Variants in DTNB observed in about 807,000 individuals in gnomAD.
DTNB encodes the protein DTN-B.
DTNB carries 63 observed loss-of-function variants against 90.7 expected under a neutral mutation model. That is an observed-to-expected ratio of 0.69 (90% confidence interval 0.57 to 0.86). The LOEUF (loss-of-function observed/expected upper bound fraction) is 0.86, where lower values mean the gene tolerates loss of function less well. Among genes scored for constraint, DTNB ranks in the 40% least tolerant of loss-of-function variants. The probability of loss-of-function intolerance (pLI) is 0.00; values close to 1 mark genes in which losing one functional copy is unlikely to be tolerated. For synonymous variants in DTNB, 277 were observed against 286.7 expected (o/e 0.97, Z 0.34); for missense variants, 744 against 807.1 (o/e 0.92, Z 0.95).
Position 25,566,945 on chromosome 2 carries a change from G to A in DTNB, c.876+9893C>T, listed in dbSNP as rs73922425. ...AAGTACAGACCATGATAAAATGCTG[G>A]TGTCACCCAAGACAAGAGGTCAGAC... On this transcript the variant is annotated intron_variant, in intron 8 of 20. Transcript: ENST00000406818. Among the ~76,000 whole-genome samples, 449 of 152,272 alleles carry A rather than the reference G, an allele frequency of 2.9e-3. 3 individuals carry two copies. The highest frequency in any genetic ancestry group is 0.01 in the African/African-American group (432 of 41,554).
intron 6 of DTNB, among the ~76,000 whole-genome samples, chr2:25,589,111 T>C (rs1233198906): frequency 6.6e-6 from 1 of 152,216 alleles, no homozygotes; most frequent in African/African-American, 2.4e-5. Flanking sequence ...GAGAATATTT[T>C]GTCAAATGCA....
chr2:25,656,102 A>G (rs191690800), intron 1 of DTNB, among the ~76,000 whole-genome samples: 1 of 152,312 alleles, frequency 6.6e-6, no homozygotes, highest in Admixed American at 6.5e-5. Flanking sequence ...TTCCAAGGAT[A>G]ACCTCCAAAA....
At chr2:25,497,943 C>A (rs980009444) in intron 9 of DTNB, among the ~76,000 whole-genome samples, 4 of 152,194 alleles carry the variant, frequency 2.6e-5, no homozygotes, top group Admixed American at 2.6e-4. Context: ...GCTAAAATCA[C>A]TTTCCTAAGC....
At chr2:25,508,995 AT>A (rs1423608249) in intron 9 of DTNB, among the ~76,000 whole-genome samples, 2 of 152,156 alleles carry the variant, frequency 1.3e-5, no homozygotes, top group African/African-American at 2.4e-5. Context: ...AATGCCACTG[AT>A]TTTTTTAAAG....
intron 18 of DTNB, among the ~76,000 whole-genome samples, chr2:25,385,302 A>G (rs901975875): frequency 3.3e-5 from 5 of 152,254 alleles, no homozygotes; most frequent in African/African-American, 1.2e-4. Flanking sequence ...TAATCTGAGT[A>G]TGTCCTCTCA....
At chr2:25,587,474 GGACTGCA>G (rs2062665444) in intron 6 of DTNB, among the ~76,000 whole-genome samples, 1 of 151,988 alleles carries the variant, frequency 6.6e-6, no homozygotes, top group African/African-American at 2.4e-5. Flanking sequence ...GTCCAGAATG[GGACTGCA>G]CACTGGACTG....
At chr2:25,546,067 C>A (rs1183012413) in intron 8 of DTNB, among the ~76,000 whole-genome samples, 1 of 152,168 alleles carries the variant, frequency 6.6e-6, no homozygotes, top group East Asian at 1.9e-4. Flanking sequence ...CCCAGCAAAC[C>A]CTATGTTTAT....
chr2:25,502,880 TA>T (rs776792939), intron 9 of DTNB, among the ~76,000 whole-genome samples: 20,983 of 79,552 alleles, frequency 0.26, 2,280 homozygotes, highest in East Asian at 0.44. Flanking sequence ...AGCAACTGTC[TA>T]AAAAAAAAAA....
intron 4 of DTNB, among the ~76,000 whole-genome samples, chr2:25,610,674 C>T (rs1168823283): frequency 1.3e-5 from 2 of 151,930 alleles, no homozygotes; most frequent in Non-Finnish European, 2.9e-5. Context: ...CCCAGAAGCA[C>T]CTCTTTCCTA....
chr2:25,613,874 C>T (rs546354196), intron 4 of DTNB, among the ~76,000 whole-genome samples: 95 of 152,296 alleles, frequency 6.2e-4, no homozygotes, highest in Non-Finnish European at 1.2e-3. Context: ...AGGAGAATTG[C>T]TTGAACCCAG....
intron 6 of DTNB, among the ~76,000 whole-genome samples, chr2:25,587,858 C>G (rs765378569): frequency 6.6e-6 from 1 of 152,088 alleles, no homozygotes; most frequent in Non-Finnish European, 1.5e-5. Flanking sequence ...GCATTTCATC[C>G]CATCTAAGAT....
At chr2:25,459,914 G>A (rs955269822) in intron 10 of DTNB, among the ~76,000 whole-genome samples, 1 of 152,146 alleles carries the variant, frequency 6.6e-6, no homozygotes, top group African/African-American at 2.4e-5. Flanking sequence ...TAAGAGAACA[G>A]CTTGGGCAAC....
intron 4 of DTNB, among the ~76,000 whole-genome samples, chr2:25,614,864 C>T (rs1559242189): frequency 6.6e-6 from 1 of 152,194 alleles, no homozygotes; most frequent in African/African-American, 2.4e-5. Flanking sequence ...ACCAAGCAAG[C>T]AATTCTCCAG....
At chr2:25,471,172 A>G (rs1221684992) in intron 10 of DTNB, among the ~76,000 whole-genome samples, 4 of 152,240 alleles carry the variant, frequency 2.6e-5, no homozygotes, top group East Asian at 1.9e-4. Context: ...AACAAGCCCA[A>G]TGACATGCCA....
chr2:25,600,597 G>A (rs1403774352), intron 5 of DTNB, among the ~76,000 whole-genome samples: 1 of 152,188 alleles, frequency 6.6e-6, no homozygotes, highest in East Asian at 1.9e-4. Flanking sequence ...GCCACTCTGT[G>A]TATTCATAAC....
At chr2:25,388,966 C>A (rs1219353366) in intron 16 of DTNB, among the ~76,000 whole-genome samples, 1 of 152,120 alleles carries the variant, frequency 6.6e-6, no homozygotes. Context: ...CCTGCTTCAG[C>A]CTCCCGAGTA....
chr2:25,421,595 A>T (rs2049724097), intron 15 of DTNB, among the ~76,000 whole-genome samples: 1 of 152,230 alleles, frequency 6.6e-6, no homozygotes, highest in Non-Finnish European at 1.5e-5. Flanking sequence ...ATGTGTTTTC[A>T]TTGCTGGCAC....
intron 1 of DTNB, among the ~76,000 whole-genome samples, chr2:25,662,359 G>T (rs1200076249): frequency 6.6e-6 from 1 of 152,100 alleles, no homozygotes; most frequent in African/African-American, 2.4e-5. Context: ...ACAGAATAAA[G>T]CAGGGCTACA....
intron 4 of DTNB, among the ~76,000 whole-genome samples, chr2:25,620,051 T>TA (rs893285206): frequency 1.4e-4 from 20 of 147,618 alleles, no homozygotes; most frequent in African/African-American, 2.5e-4. Flanking sequence ...AAAAAAATAA[T>TA]AAAAAAAAAA....
Sources: gnomAD v4.1 joint callset for allele counts (sites outside exome capture counted in the v4.1 genomes callset) on GRCh38, gnomAD v4.1.1 for gene constraint, MANE v1.5 for transcripts, NCBI Gene and HGNC (gene_info 2026-07-23, HGNC 2026-07-21) for gene names.